MEGF6: variants seen among roughly 807,000 people sequenced by gnomAD.
MEGF6 encodes multiple epidermal growth factor-like domains protein 6.
In MEGF6, 184 loss-of-function variants were observed where a neutral mutation model predicts 207.1. That is an observed-to-expected ratio of 0.89 (90% CI 0.79 to 1.00). The LOEUF (loss-of-function observed/expected upper bound fraction) is 1.00. Ranked by LOEUF, MEGF6 falls within the 50% of genes least tolerant of loss-of-function variation. MEGF6 has a pLI of 0.00. For missense variants in MEGF6, 2,282 were observed against 2,202.9 expected (o/e 1.04, Z -0.72); for synonymous variants, 1,038 against 910.0 (o/e 1.14, Z -2.53).
intron 4 of MEGF6, among the ~76,000 whole-genome samples, chr1:3,540,918 C>T (rs1262907250): frequency 6.6e-6 from 1 of 152,164 alleles, no homozygotes; most frequent in Non-Finnish European, 1.5e-5. Context: ...TGTGGAATAC[C>T]CACTAAGGGC....
intron 4 of MEGF6, among the ~76,000 whole-genome samples, chr1:3,568,360 T>C (rs1485079998): frequency 1.3e-5 from 2 of 148,396 alleles, no homozygotes; most frequent in African/African-American, 5.3e-5. Context: ...GGGGCTTCGG[T>C]AGTGGTCCTA....
chr1:3,549,197 C>T (rs1455103703), intron 4 of MEGF6, among the ~76,000 whole-genome samples: 1 of 152,200 alleles, frequency 6.6e-6, no homozygotes, highest in Non-Finnish European at 1.5e-5. Context: ...CAGCCCAGAA[C>T]AAGCCCACAA....
rs1643028441 is a variant in MEGF6 at position 3,556,257 on chromosome 1, T to C, written c.481+23568A>G. ...TGGGGCAGGGTCCCCATACATAACCTAGAGCTCTGTGTGAGGCCCGCAGGC... is the reference window on the plus strand; with the variant it reads ...TGGGGCAGGGTCCCCATACATAACCCAGAGCTCTGTGTGAGGCCCGCAGGC... On this transcript the variant is annotated intron_variant, in intron 4 of 36. Transcript: ENST00000356575. The surrounding 1 kb of genome is among the most constrained non-coding windows in gnomAD (Gnocchi z 4.4). Among the ~76,000 whole-genome samples the C allele has an allele frequency of 6.6e-6, 1 of 152,196 alleles. No individual in the cohort carries two copies. The highest frequency in any genetic ancestry group is 2.4e-5 in the African/African-American group (1 of 41,462).
intron 5 of MEGF6, among the ~76,000 whole-genome samples, chr1:3,522,566 T>C (rs890121658): frequency 6.8e-5 from 10 of 146,866 alleles, no homozygotes; most frequent in African/African-American, 2.6e-4. Flanking sequence ...GGCCCGGCTA[T>C]AGGAGGAGAC....
upstream of MEGF6, among the ~76,000 whole-genome samples, chr1:3,612,865 G>A (rs1400606016): frequency 6.6e-6 from 1 of 152,186 alleles, no homozygotes; most frequent in Non-Finnish European, 1.5e-5. Context: ...CTCTGGGGGT[G>A]GGTGGCCGTC....
At chr1:3,500,496 A>G (rs1165254226) in intron 21 of MEGF6, 137 bp downstream of exon 21, 5 of 1,274,730 alleles carry the variant, frequency 3.9e-6, no homozygotes, top group Non-Finnish European at 5.3e-6. Context: ...CGCGCACAGG[A>G]GGGGGCGCGG....
At position 3,494,051 on chromosome 1, in the gene MEGF6, G is replaced by T; in HGVS notation, c.4203C>A (p.Pro1401=). ...CAGGGCAGAGGCATCGGCCACTGAT[G>T]GGGTCGCAGGGGGCTCCATGTTGAC... ...CWCQHGAPCD[P]ISGRCLCPAG... Residue 1401 remains proline (P), a synonymous_variant, in exon 33 of 37, where the codon CCC becomes CCA. Coordinates refer to ENST00000356575, the MANE Select transcript of MEGF6 (RefSeq NM_001409.4). The T allele has an allele frequency of 6.2e-7, 1 of 1,607,132 alleles. No individual in the cohort carries two copies. The highest frequency in any genetic ancestry group is 8.5e-7 in the Non-Finnish European group (1 of 1,177,038).
intron 3 of MEGF6, among the ~76,000 whole-genome samples, chr1:3,582,962 G>C (rs542529778): frequency 6.6e-6 from 1 of 152,150 alleles, no homozygotes; most frequent in Non-Finnish European, 1.5e-5. Context: ...TCGCTGTCAC[G>C]CACCCAGTTC....
intron 34 of MEGF6, 175 bp downstream of exon 34, chr1:3,493,596 C>T (rs1640467968): frequency 1.2e-6 from 1 of 844,220 alleles, no homozygotes; most frequent in Non-Finnish European, 1.8e-6. Context: ...ATGCTTGGTA[C>T]CGCATGTCCC....
chr1:3,502,064 A>G lies in MEGF6; in HGVS notation c.2189-143T>C, dbSNP rs1640921387. 4 of 1,341,254 alleles carry G rather than the reference A, an allele frequency of 3.0e-6. No homozygotes were observed. The African/African-American group carries it at 6.0e-5, about 20-fold the overall frequency. 83.1% of individuals were successfully genotyped at this position (1,341,254 alleles called of 1,614,324 possible). On this transcript the variant is annotated intron_variant, in intron 17 of 36. Coordinates refer to ENST00000356575, the MANE Select transcript of MEGF6 (RefSeq NM_001409.4). Reference sequence around the variant, plus strand: ...GTGTGCCCCCCCGGCGCCTCCTCACATGGGCTCCTGGCGAGTGTGCCCCCC... The same window carrying G: ...GTGTGCCCCCCCGGCGCCTCCTCACGTGGGCTCCTGGCGAGTGTGCCCCCC...
At chr1:3,519,686 G>A (rs1026647143) in intron 5 of MEGF6, among the ~76,000 whole-genome samples, 5 of 152,206 alleles carry the variant, frequency 3.3e-5, no homozygotes, top group South Asian at 2.1e-4. Flanking sequence ...ACCAGGCGGC[G>A]GTCAGAGGGC....
intron 2 of MEGF6, among the ~76,000 whole-genome samples, chr1:3,599,927 A>G (rs1237325142): frequency 6.6e-6 from 1 of 152,124 alleles, no homozygotes; most frequent in African/African-American, 2.4e-5. Context: ...CCCAGGAAAT[A>G]CTGTCAGCTC....
chr1:3,602,726 C>T (rs1644180615), intron 1 of MEGF6, 126 bp from the exon 2 acceptor site: 1 of 1,357,894 alleles, frequency 7.4e-7, no homozygotes, highest in Non-Finnish European at 9.8e-7. Flanking sequence ...GCCAGGCCTC[C>T]ACGGCACAGT....
At chr1:3,561,791 TTC>T (rs1380655645) in intron 4 of MEGF6, among the ~76,000 whole-genome samples, 9 of 152,250 alleles carry the variant, frequency 5.9e-5, no homozygotes, top group African/African-American at 1.7e-4. Flanking sequence ...CTCTCCTGAC[TTC>T]TGACAGTTTC....
At chr1:3,536,877 G>A (rs1455391569) in intron 4 of MEGF6, among the ~76,000 whole-genome samples, 1 of 152,250 alleles carries the variant, frequency 6.6e-6, no homozygotes, top group African/African-American at 2.4e-5. Flanking sequence ...AGTGGACGAG[G>A]TCCAGCCAAC....
At chr1:3,586,462 C>T (rs1443808748) in intron 3 of MEGF6, among the ~76,000 whole-genome samples, 2 of 152,078 alleles carry the variant, frequency 1.3e-5, no homozygotes, top group East Asian at 1.9e-4. Context: ...CAGATGCAAA[C>T]GTGTGCCTGG....
chr1:3,602,566 C>G lies in MEGF6; in HGVS notation c.166G>C (p.Val56Leu), dbSNP rs1448431697. The G allele has an allele frequency of 2.5e-6, 4 of 1,612,154 alleles. No individual in the cohort carries two copies. In the South Asian group the frequency reaches 4.4e-5, roughly 18 times the overall value. Residue 56 changes from valine to leucine, a missense_variant, in exon 2 of 37, where the codon GTG becomes CTG. Val to Leu is a conservative substitution (Grantham distance 32). Coordinates refer to ENST00000356575, the MANE Select transcript of MEGF6 (RefSeq NM_001409.4). ...TGCACGCACGGCTGGCGGCGGCCCACCAGGGTCAGCTCCTGCTCAGCACAC... is the reference window on the plus strand; with the variant it reads ...TGCACGCACGGCTGGCGGCGGCCCAGCAGGGTCAGCTCCTGCTCAGCACAC... ...HVCAEQELTL[V>L]GRRQPCVQAL...
chr1:3,572,989 G>A (rs1334355687), intron 4 of MEGF6, among the ~76,000 whole-genome samples: 1 of 149,686 alleles, frequency 6.7e-6, no homozygotes, highest in African/African-American at 2.5e-5. Context: ...GTTCTCCTGG[G>A]TGTGCTGGGT....
At chr1:3,525,684 C>T (rs943606292) in intron 4 of MEGF6, among the ~76,000 whole-genome samples, 1 of 152,246 alleles carries the variant, frequency 6.6e-6, no homozygotes, top group Non-Finnish European at 1.5e-5. Context: ...CCCCGGGATG[C>T]ACCATGAGCT....
Sources: allele counts gnomAD v4.1 joint callset (sites outside exome capture counted in the v4.1 genomes callset), GRCh38; gene constraint gnomAD v4.1.1; non-coding constraint Gnocchi (gnomAD v3.1); transcripts MANE v1.5; gene names NCBI Gene and HGNC (gene_info 2026-07-23, HGNC 2026-07-21).